PAPOLG: variants seen among roughly 807,000 people sequenced by gnomAD.
The protein encoded by PAPOLG is poly(A) polymerase gamma.
Under a neutral mutation model 99.0 loss-of-function variants are expected in PAPOLG, and 40 were observed. That is an observed-to-expected ratio of 0.40 (90% confidence interval 0.31 to 0.53). The LOEUF is 0.53. Among genes scored for constraint, PAPOLG ranks in the 20% least tolerant of loss-of-function variants. PAPOLG has a pLI of 0.41. For missense variants in PAPOLG, 675 were observed against 884.1 expected (o/e 0.76, Z 3.00); for synonymous variants, 310 against 299.3 (o/e 1.04, Z -0.37).
Position 60,798,176 on chromosome 2 carries a change from T to C in PAPOLG, c.*1016T>C, listed in dbSNP as rs2103835951. On this transcript the variant is annotated 3_prime_UTR_variant, in exon 22 of 22. Transcript: ENST00000238714. ...ATGCAGAAATAAGCAGTGGATTTTA[T>C]TGAAACCTAAAGGCATTTTGAATGA... 1 of 152,916 alleles carries C rather than the reference T, an allele frequency of 6.5e-6. No homozygotes were observed. Among genetic ancestry groups the C allele is most frequent in the South Asian group, 2.1e-4 (1 of 4,832 alleles). The allele number at this position is 152,916 out of a possible 1,614,324, so 9.5% of individuals were successfully genotyped here. A position where few individuals can be genotyped will look rare whatever the true frequency, so the allele number is the denominator to read the frequency against.
At chr2:60,761,058 T>A (rs1316446301) in intron 2 of PAPOLG, among the ~76,000 whole-genome samples, 1 of 152,142 alleles carries the variant, frequency 6.6e-6, no homozygotes, top group East Asian at 1.9e-4. Context: ...GTAGGGTTCT[T>A]AGGGTTTAAT....
chr2:60,764,466 G>A (rs1226012366), intron 3 of PAPOLG, among the ~76,000 whole-genome samples: 2 of 151,524 alleles, frequency 1.3e-5, no homozygotes, highest in Non-Finnish European at 2.9e-5. Context: ...ACCCGGGCTG[G>A]AATGCAGTGG....
rs1270555891 is a variant in PAPOLG at position 60,796,898 on chromosome 2, TTCCCTA to T, written c.2113-162_2113-157del. On this transcript the variant is annotated intron_variant, in intron 21 of 21. Transcript: ENST00000238714. ...GAAGTAGCAGTTCCGAAAGCAAGAG[TTCCCTA>T]TGAACACGGAAGGAAATATTCATTG... 1.3e-5 allele frequency: 5 copies of T among 389,652 alleles called. No homozygotes were observed. In the East Asian group the frequency reaches 8.1e-4, roughly 63 times the overall value. 24.1% of individuals were successfully genotyped at this position (389,652 alleles called of 1,614,324 possible).
At chr2:60,780,594 A>C in intron 9 of PAPOLG, 113 bp from the exon 10 acceptor site, 1 of 1,148,886 alleles carries the variant, frequency 8.7e-7, no homozygotes, top group Non-Finnish European at 1.3e-6. Context: ...CTTTAATACC[A>C]AATACCCAGA....
intron 8 of PAPOLG, among the ~76,000 whole-genome samples, chr2:60,777,888 C>G (rs570272256): frequency 2.4e-4 from 36 of 152,228 alleles, no homozygotes; most frequent in African/African-American, 8.4e-4. Context: ...TGCCCCAAAA[C>G]AATTACAATA....
At chr2:60,767,803 C>T (rs1670726441) in intron 3 of PAPOLG, among the ~76,000 whole-genome samples, 1 of 152,170 alleles carries the variant, frequency 6.6e-6, no homozygotes, top group Non-Finnish European at 1.5e-5. Flanking sequence ...GGTGAAAGCA[C>T]ATTAGTCTGG....
At chr2:60,786,118 C>T (rs1671354513) in intron 13 of PAPOLG, among the ~76,000 whole-genome samples, 1 of 151,990 alleles carries the variant, frequency 6.6e-6, no homozygotes, top group South Asian at 2.1e-4. Flanking sequence ...AGGTAATATG[C>T]TGTTTGGTTT....
At chr2:60,770,659 T>A in intron 6 of PAPOLG, 148 bp downstream of exon 6, 1 of 539,876 alleles carries the variant, frequency 1.9e-6, no homozygotes, top group Non-Finnish European at 3.2e-6. Flanking sequence ...GGTCTAACTC[T>A]ATGGCCAAGG....
At chr2:60,761,879 G>C in intron 3 of PAPOLG, 72 bp downstream of exon 3, 1 of 1,095,512 alleles carries the variant, frequency 9.1e-7, no homozygotes, top group South Asian at 1.3e-5. Flanking sequence ...ATAAGATGCA[G>C]GTGTTGAGAA....
intron 8 of PAPOLG, among the ~76,000 whole-genome samples, chr2:60,776,783 C>T (rs1671034572): frequency 6.6e-6 from 1 of 152,146 alleles, no homozygotes; most frequent in South Asian, 2.1e-4. Flanking sequence ...ATCACCTACC[C>T]TTTGAAGCTT....
At chr2:60,761,135 A>G (rs1236565197) in intron 2 of PAPOLG, among the ~76,000 whole-genome samples, 1 of 152,150 alleles carries the variant, frequency 6.6e-6, no homozygotes, top group African/African-American at 2.4e-5. Context: ...ACCTTGAAGG[A>G]TGGAATTTCA....
At chr2:60,787,644 T>C in intron 15 of PAPOLG, 24 bp downstream of exon 15, 1 of 1,608,522 alleles carries the variant, frequency 6.2e-7, no homozygotes, top group Non-Finnish European at 8.5e-7. Context: ...ATCATAGAGC[T>C]GTGATTCTCA....
intron 15 of PAPOLG, among the ~76,000 whole-genome samples, chr2:60,790,905 A>T (rs924678243): frequency 2.0e-5 from 3 of 152,160 alleles, no homozygotes; most frequent in Non-Finnish European, 4.4e-5. Flanking sequence ...CCTGGCCAAC[A>T]TAATGAAACC....
chr2:60,792,155 C>T lies in PAPOLG; in HGVS notation c.1545C>T (p.Ser515=). 1 of 1,591,114 alleles carries T rather than the reference C, an allele frequency of 6.3e-7. No homozygotes were observed. The highest frequency in any genetic ancestry group is 8.5e-7 in the Non-Finnish European group (1 of 1,174,336). ...KKQSLSDVNR[S]SGGLQSKRLS... ...AAAGTCTCTCTGATGTCAATCGAAGCTCGGGCGGACTTCAATCCAAAAGAT... is the reference window on the plus strand; with the variant it reads ...AAAGTCTCTCTGATGTCAATCGAAGTTCGGGCGGACTTCAATCCAAAAGAT... Residue 515 remains serine, a synonymous_variant, in exon 17 of 22, where the codon AGC becomes AGT. Coordinates refer to ENST00000238714, the MANE Select transcript of PAPOLG (RefSeq NM_022894.4).
chr2:60,786,240 A>T (rs1425758059), intron 13 of PAPOLG, among the ~76,000 whole-genome samples: 1 of 151,980 alleles, frequency 6.6e-6, no homozygotes, highest in African/African-American at 2.4e-5. Flanking sequence ...TTATTTATTT[A>T]TTTATTTAGA....
chr2:60,782,103 AC>A lies in PAPOLG; in HGVS notation c.1027+100del, dbSNP rs1476025761. On this transcript the variant is annotated intron_variant, in intron 11 of 21. Coordinates refer to ENST00000238714, the MANE Select transcript of PAPOLG (RefSeq NM_022894.4). ...GCTATGGATTGGCAGTTAGAGTTAT[AC>A]CTATTCTTTCTAAAAATTCTTTCAA... 4 of 1,217,680 alleles carry A rather than the reference AC, an allele frequency of 3.3e-6. No homozygotes were observed. The African/African-American group carries it at 6.1e-5, about 19-fold the overall frequency. The allele number at this position is 1,217,680 out of a possible 1,614,324, so 75.4% of individuals were successfully genotyped here.
intron 6 of PAPOLG, among the ~76,000 whole-genome samples, chr2:60,771,205 C>A (rs1241643787): frequency 1.3e-5 from 2 of 152,126 alleles, no homozygotes; most frequent in Non-Finnish European, 2.9e-5. Context: ...AGTGAGGTTT[C>A]AAGAGGGAGT....
intron 13 of PAPOLG, among the ~76,000 whole-genome samples, chr2:60,784,793 A>G (rs1214882416): frequency 1.3e-5 from 2 of 152,208 alleles, no homozygotes; most frequent in Non-Finnish European, 2.9e-5. Context: ...CTTCATAGCA[A>G]AGTTGAATAG....
chr2:60,785,328 G>A (rs1314647002), intron 13 of PAPOLG, among the ~76,000 whole-genome samples: 2 of 151,750 alleles, frequency 1.3e-5, no homozygotes, highest in Admixed American at 6.6e-5. Flanking sequence ...TAGTAGAGAC[G>A]GGGTTTCACC....
Sources: allele counts gnomAD v4.1 joint callset (sites outside exome capture counted in the v4.1 genomes callset), GRCh38; gene constraint gnomAD v4.1.1; transcripts MANE v1.5; gene names NCBI Gene and HGNC (gene_info 2026-07-23, HGNC 2026-07-21).